Variants in DOCK10 observed in about 807,000 individuals in gnomAD.
DOCK10 encodes the protein dedicator of cytokinesis 10.
A neutral mutation model predicts 280.1 loss-of-function variants in DOCK10; 145 were observed. The ratio of observed to expected loss-of-function variants is 0.52; its 90% CI spans 0.45 to 0.59. DOCK10 has a LOEUF of 0.59. Ranked by LOEUF, DOCK10 falls within the 20% of genes least tolerant of loss-of-function variation. The pLI is 0.00. For synonymous variants in DOCK10, 915 were observed against 942.2 expected (o/e 0.97, Z 0.53); for missense variants, 2,368 against 2,651.7 (o/e 0.89, Z 2.35).
chr2:224,775,822 A>T (rs1690813753), intron 51 of DOCK10, among the ~76,000 whole-genome samples: 1 of 152,202 alleles, frequency 6.6e-6, no homozygotes, highest in Non-Finnish European at 1.5e-5. Flanking sequence ...ACTTTTAAAA[A>T]ATATCTTTTG....
At chr2:224,773,378 G>A (rs1369324467) in intron 52 of DOCK10, 31 bp from the exon 53 acceptor site, 1 of 1,581,970 alleles carries the variant, frequency 6.3e-7, no homozygotes, top group Non-Finnish European at 8.6e-7. Flanking sequence ...GGGATTTCAA[G>A]GTTGAGGATT....
chr2:225,015,857 C>T (rs1689576010), intron 1 of DOCK10, among the ~76,000 whole-genome samples: 1 of 152,052 alleles, frequency 6.6e-6, no homozygotes, highest in Admixed American at 6.5e-5. Context: ...TTTACCTTTA[C>T]ATTTGGTAAG....
At chr2:224,897,348 C>T (rs1300259467) in intron 3 of DOCK10, among the ~76,000 whole-genome samples, 1 of 152,112 alleles carries the variant, frequency 6.6e-6, no homozygotes, top group African/African-American at 2.4e-5. Context: ...TGTGTAATAA[C>T]CACATCATGG....
chr2:225,035,644 ACC>A (rs1436418067), intron 1 of DOCK10, among the ~76,000 whole-genome samples: 6 of 137,178 alleles, frequency 4.4e-5, no homozygotes, highest in African/African-American at 1.5e-4. Context: ...TGCCATAATA[ACC>A]AAAGAATCAG....
intron 3 of DOCK10, among the ~76,000 whole-genome samples, chr2:224,907,556 C>T (rs1042248960): frequency 7.9e-5 from 12 of 152,086 alleles, no homozygotes; most frequent in East Asian, 1.9e-4. Flanking sequence ...GGTGTGGTGG[C>T]GGGCCCCTGT....
intron 16 of DOCK10, among the ~76,000 whole-genome samples, chr2:224,853,347 T>C (rs1047134699): frequency 6.6e-6 from 1 of 152,200 alleles, no homozygotes; most frequent in African/African-American, 2.4e-5. Flanking sequence ...AAACAGTAAA[T>C]CTTTTAGACG....
intron 1 of DOCK10, among the ~76,000 whole-genome samples, chr2:225,024,763 T>C (rs1023697671): frequency 2.0e-5 from 3 of 151,546 alleles, no homozygotes; most frequent in Non-Finnish European, 4.4e-5. Context: ...TAGTGGCACA[T>C]GCCTGTAATC....
chr2:224,797,022 A>G lies in DOCK10; in HGVS notation c.4769T>C (p.Phe1590Ser). 6.2e-7 allele frequency: 1 copy of G among 1,613,558 alleles called. No homozygotes were observed. ...GTTAAATTCAAAATTCTTCCTCATG[A>G]AAAAGTACAGAAGGGCTGAGGCTTC... Reference protein sequence around the residue: ...QTEASALLYFFMRKNFEFNKQ... With the variant: ...QTEASALLYFSMRKNFEFNKQ... Residue 1590 changes from phenylalanine (F) to serine (S), a missense_variant, in exon 43 of 56, where the codon TTC becomes TCC. By Grantham distance (155) the Phe-to-Ser change is radical. This residue lies in a region of DOCK10 where 1,159 missense variants were observed against 1,400.8 expected (regional missense o/e 0.83). Transcript: ENST00000258390.
intron 50 of DOCK10, 33 bp from the exon 51 acceptor site, chr2:224,778,317 G>C (rs747389935): frequency 6.4e-7 from 1 of 1,570,422 alleles, no homozygotes; most frequent in East Asian, 2.3e-5. Context: ...AATTTTATTA[G>C]ACAATGCTAA....
At chr2:224,948,288 C>G (rs1703540115) in intron 1 of DOCK10, among the ~76,000 whole-genome samples, 1 of 152,058 alleles carries the variant, frequency 6.6e-6, no homozygotes, top group Middle Eastern at 3.2e-3. Context: ...CTTTTGAAAC[C>G]AATCAGAAAA....
chr2:224,881,150 G>T (rs575777764), intron 7 of DOCK10, among the ~76,000 whole-genome samples: 83 of 152,260 alleles, frequency 5.5e-4, no homozygotes, highest in Admixed American at 1.1e-3. Flanking sequence ...TGTGTAATAT[G>T]ATATGGCATC....
At chr2:224,768,768 A>T (rs1268841911) in intron 55 of DOCK10, 3 of 327,004 alleles carry the variant, frequency 9.2e-6, no homozygotes, top group Non-Finnish European at 1.8e-5. Context: ...CTTAGAGAGC[A>T]CTAGCTACTA....
At chr2:224,884,445 G>A (rs1211977133) in intron 7 of DOCK10, among the ~76,000 whole-genome samples, 3 of 152,210 alleles carry the variant, frequency 2.0e-5, no homozygotes, top group Non-Finnish European at 4.4e-5. Flanking sequence ...CAGTGCCATT[G>A]TGAAATTTGA....
At chr2:224,887,383 ACT>A (rs1699369921) in intron 4 of DOCK10, among the ~76,000 whole-genome samples, 1 of 152,144 alleles carries the variant, frequency 6.6e-6, no homozygotes, top group Non-Finnish European at 1.5e-5. Flanking sequence ...TAGCAATTAC[ACT>A]TACTTTGTGC....
At chr2:225,036,699 T>G (rs1486130548) in intron 1 of DOCK10, among the ~76,000 whole-genome samples, 1 of 152,228 alleles carries the variant, frequency 6.6e-6, no homozygotes, top group Non-Finnish European at 1.5e-5. Context: ...TCTCTTAAGT[T>G]TCAGTATAAG....
At chr2:224,795,605 T>C (rs1692509397) in intron 44 of DOCK10, among the ~76,000 whole-genome samples, 1 of 152,204 alleles carries the variant, frequency 6.6e-6, no homozygotes, top group Non-Finnish European at 1.5e-5. Context: ...TCAGAATTTC[T>C]GAGAACATGC....
intron 2 of DOCK10, among the ~76,000 whole-genome samples, chr2:224,923,006 G>A (rs1701854258): frequency 6.6e-6 from 1 of 152,156 alleles, no homozygotes. Context: ...TATTCTATTA[G>A]AGAATGTCCT....
chr2:224,905,424 T>G (rs1700563405), intron 3 of DOCK10, among the ~76,000 whole-genome samples: 1 of 151,816 alleles, frequency 6.6e-6, no homozygotes, highest in Admixed American at 6.5e-5. Flanking sequence ...ATTTTTTTTG[T>G]ATTTTTAGTA....
At chr2:225,030,382 T>TA (rs1023553659) in intron 1 of DOCK10, among the ~76,000 whole-genome samples, 3 of 152,100 alleles carry the variant, frequency 2.0e-5, no homozygotes, top group Admixed American at 6.5e-5. Flanking sequence ...AAGGGTTTTT[T>TA]AAAAAAACAT....
Sources: allele counts gnomAD v4.1 joint callset (sites outside exome capture counted in the v4.1 genomes callset), GRCh38; gene constraint gnomAD v4.1.1; regional missense constraint gnomAD v4.1.1; transcripts MANE v1.5; gene names NCBI Gene and HGNC (gene_info 2026-07-23, HGNC 2026-07-21).